The following EPB41L4A variants were observed in gnomAD, a reference collection of about 807,000 sequenced individuals.
EPB41L4A encodes band 4.1-like protein 4A.
EPB41L4A carries 100 observed loss-of-function variants against 108.6 expected under a neutral mutation model. The observed-to-expected ratio is 0.92, with a 90% CI of 0.78 to 1.09. The LOEUF is 1.09. Among genes scored for constraint, EPB41L4A ranks in the 50% least tolerant of loss-of-function variants. EPB41L4A has a pLI of 0.00. For missense variants in EPB41L4A, 1,030 were observed against 842.7 expected (o/e 1.22, Z -2.75); for synonymous variants, 319 against 289.0 (o/e 1.10, Z -1.05).
intron 1 of EPB41L4A, among the ~76,000 whole-genome samples, chr5:112,314,220 C>T (rs897697770): frequency 3.3e-5 from 5 of 151,842 alleles, no homozygotes; most frequent in Non-Finnish European, 7.4e-5. Flanking sequence ...CAAACTATTA[C>T]GGGCCATTAT....
intron 13 of EPB41L4A, among the ~76,000 whole-genome samples, chr5:112,209,564 C>G (rs918214060): frequency 3.9e-5 from 6 of 152,342 alleles, no homozygotes; most frequent in East Asian, 1.9e-4. Flanking sequence ...CTTTATTTTA[C>G]AAGTCCCTCT....
In EPB41L4A at chr5:112,364,020, T is replaced by TTCATTC. The variant is rs58573160; in HGVS notation, c.99+54920_99+54921insGAATGA. 6.4e-4 allele frequency among the ~76,000 whole-genome samples: 97 copies of TTCATTC among 150,616 alleles called. No individual in the cohort carries two copies. In the Middle Eastern group the frequency reaches 0.01, roughly 16 times the overall value. The stretch of plus-strand genomic sequence containing the variant: ...GTGCCAATATTTGCTTTCATTCATT[T>TTCATTC]ATTCATTCATTCATTCATTTATTTT... On this transcript the variant is annotated intron_variant, in intron 1 of 22. Transcript: ENST00000261486.
intron 18 of EPB41L4A, among the ~76,000 whole-genome samples, chr5:112,171,978 A>T (rs1303690448): frequency 6.6e-6 from 1 of 152,170 alleles, no homozygotes; most frequent in African/African-American, 2.4e-5. Context: ...TTCTCGATTC[A>T]TAAGGGCACC....
intron 9 of EPB41L4A, among the ~76,000 whole-genome samples, chr5:112,252,991 G>A (rs1315454106): frequency 6.6e-6 from 1 of 152,176 alleles, no homozygotes; most frequent in African/African-American, 2.4e-5. Flanking sequence ...TAAATGTGGA[G>A]GGAGTACAGA....
chr5:112,188,800 C>G (rs1487264298), intron 17 of EPB41L4A, among the ~76,000 whole-genome samples: 2 of 152,142 alleles, frequency 1.3e-5, no homozygotes, highest in Non-Finnish European at 2.9e-5. Flanking sequence ...GGAAGAAATG[C>G]CCATCAGTTT....
chr5:112,153,522 C>CT (rs1759544853), intron 12 of EPB41L4A, among the ~76,000 whole-genome samples: 1 of 147,350 alleles, frequency 6.8e-6, no homozygotes, highest in Non-Finnish European at 1.5e-5. Flanking sequence ...GAGCAAGACT[C>CT]TGTCTCAAAA....
intron 18 of EPB41L4A, chr5:112,175,307 A>T (rs905447843): frequency 6.6e-6 from 1 of 152,250 alleles, no homozygotes; most frequent in Non-Finnish European, 1.5e-5. Flanking sequence ...GGTTCAACAA[A>T]GCTTTTTTCC....
chr5:112,279,687 C>T (rs1752844708), intron 3 of EPB41L4A, among the ~76,000 whole-genome samples: 1 of 152,054 alleles, frequency 6.6e-6, no homozygotes, highest in Non-Finnish European at 1.5e-5. Flanking sequence ...TAAATAAAAA[C>T]TTGGGTTCTG....
intron 12 of EPB41L4A, among the ~76,000 whole-genome samples, chr5:112,147,965 G>T (rs772317647): frequency 1.6e-4 from 24 of 151,796 alleles, no homozygotes; most frequent in Non-Finnish European, 2.6e-4. Context: ...CATGAACCCA[G>T]GAGGTGGAGG....
At chr5:112,302,259 A>T (rs796733988) in intron 2 of EPB41L4A, among the ~76,000 whole-genome samples, 4 of 152,228 alleles carry the variant, frequency 2.6e-5, no homozygotes, top group African/African-American at 9.6e-5. Context: ...TAATCCTAGC[A>T]CTTTGGGAGG....
intron 1 of EPB41L4A, among the ~76,000 whole-genome samples, chr5:112,372,458 A>G (rs1759553054): frequency 6.6e-6 from 1 of 152,222 alleles, no homozygotes; most frequent in African/African-American, 2.4e-5. Flanking sequence ...GAAGGAAATA[A>G]GCAAACTGTT....
intron 12 of EPB41L4A, among the ~76,000 whole-genome samples, chr5:112,211,575 G>A (rs575339016): frequency 8.1e-5 from 12 of 148,296 alleles, no homozygotes; most frequent in Non-Finnish European, 1.0e-4. Context: ...GCTACAGAGC[G>A]AGACTCCGTC....
chr5:112,171,041 A>C, intron 18 of EPB41L4A, 49 bp from the exon 19 acceptor site: 21 of 1,481,578 alleles, frequency 1.4e-5, no homozygotes, highest in Non-Finnish European at 2.0e-5. Flanking sequence ...GCTTCATCTC[A>C]CAACCTAATA....
At chr5:112,235,494 T>C (rs1200547071) in intron 11 of EPB41L4A, among the ~76,000 whole-genome samples, 2 of 152,168 alleles carry the variant, frequency 1.3e-5, no homozygotes, top group Non-Finnish European at 2.9e-5. Context: ...TAAATATCAT[T>C]TAGGTACAGG....
At chr5:112,205,571 TTTG>T in intron 13 of EPB41L4A, 67 bp from the exon 14 acceptor site, 1 of 1,231,716 alleles carries the variant, frequency 8.1e-7, no homozygotes, top group Non-Finnish European at 1.2e-6. Context: ...CACATACTTA[TTTG>T]TTAAGTAAAA....
chr5:112,259,366 T>A, intron 8 of EPB41L4A, 74 bp from the exon 9 acceptor site: 1 of 1,264,668 alleles, frequency 7.9e-7, no homozygotes, highest in Non-Finnish European at 1.2e-6. Flanking sequence ...AAGTATCCAG[T>A]GGAAAAAGAC....
intron 4 of EPB41L4A, among the ~76,000 whole-genome samples, chr5:112,274,086 C>T (rs529252760): frequency 6.6e-6 from 1 of 150,708 alleles, no homozygotes; most frequent in South Asian, 2.1e-4. Context: ...GCCAGCAGTT[C>T]AAGATCAGCC....
chr5:112,277,135 C>G (rs1270006083), intron 3 of EPB41L4A, among the ~76,000 whole-genome samples: 1 of 152,162 alleles, frequency 6.6e-6, no homozygotes, highest in African/African-American at 2.4e-5. Context: ...CAATCAAGCT[C>G]CATGTTCCTG....
intron 1 of EPB41L4A, among the ~76,000 whole-genome samples, chr5:112,352,612 G>A (rs1299132317): frequency 2.0e-5 from 3 of 152,198 alleles, no homozygotes; most frequent in Admixed American, 6.5e-5. Context: ...ATTAATGTGT[G>A]AGAATTTATT....
Sources: gnomAD v4.1 joint callset for allele counts (sites outside exome capture counted in the v4.1 genomes callset) on GRCh38, gnomAD v4.1.1 for gene constraint, MANE v1.5 for transcripts, NCBI Gene and HGNC (gene_info 2026-07-23, HGNC 2026-07-21) for gene names.